The following LUZP1 variants were observed in gnomAD, a reference collection of about 807,000 sequenced individuals.
LUZP1 encodes filamin mechanobinding actin cross-linking protein.
Under a neutral mutation model 71.3 loss-of-function variants are expected in LUZP1, and 25 were observed. The observed-to-expected ratio is 0.35, with a 90% confidence interval of 0.26 to 0.49. The LOEUF is 0.49. Among genes scored for constraint, LUZP1 ranks in the 20% least tolerant of loss-of-function variants. LUZP1 has a pLI of 0.99. For missense variants in LUZP1, 1,142 were observed against 1,300.8 expected (o/e 0.88, Z 1.88); for synonymous variants, 481 against 506.4 (o/e 0.95, Z 0.67).
intron 2 of LUZP1, among the ~76,000 whole-genome samples, chr1:23,148,264 G>C (rs969861136): frequency 3.3e-5 from 5 of 152,070 alleles, no homozygotes; most frequent in African/African-American, 1.2e-4. Flanking sequence ...TTTCTTGTCA[G>C]GGGAGGTGAT....
At chr1:23,148,986 T>A (rs141139047) in intron 2 of LUZP1, among the ~76,000 whole-genome samples, 8 of 141,754 alleles carry the variant, frequency 5.6e-5, no homozygotes, top group African/African-American at 2.1e-4. Flanking sequence ...GAGGCAGAGG[T>A]TGGAGGATCA....
chr1:23,088,967 C>T (rs199692365), exon 5 of LUZP1: 8 of 1,614,200 alleles, frequency 5.0e-6, no homozygotes, highest in Non-Finnish European at 6.8e-6. Flanking sequence ...ACTCTGGCAG[C>T]CCCTGCTTCC....
exon 5 of LUZP1, chr1:23,088,044 T>G (rs187732632): frequency 1.3e-5 from 2 of 152,798 alleles, no homozygotes; most frequent in African/African-American, 4.8e-5. Context: ...CAGGCCCAGC[T>G]TAGCCTAGGG....
chr1:23,165,635 C>T (rs1644503875), intron 2 of LUZP1, among the ~76,000 whole-genome samples: 1 of 151,952 alleles, frequency 6.6e-6, no homozygotes, highest in South Asian at 2.1e-4. Context: ...ATCATCACAG[C>T]ACTGCACTCC....
chr1:23,096,683 C>A (rs1370579750), intron 3 of LUZP1, among the ~76,000 whole-genome samples: 1 of 152,118 alleles, frequency 6.6e-6, no homozygotes, highest in African/African-American at 2.4e-5. Context: ...TTTATAAGAA[C>A]AGAAACTGGC....
intron 1 of LUZP1, among the ~76,000 whole-genome samples, chr1:23,169,548 G>T (rs1644538367): frequency 6.6e-6 from 1 of 152,202 alleles, no homozygotes; most frequent in African/African-American, 2.4e-5. Context: ...TTAATTCTTT[G>T]TGTGATGCTA....
chr1:23,107,046 G>GCTTATACAT (rs1157238643), intron 3 of LUZP1, among the ~76,000 whole-genome samples: 1 of 152,062 alleles, frequency 6.6e-6, no homozygotes, highest in African/African-American at 2.4e-5. Context: ...CCTCCTTATG[G>GCTTATACAT]GTCCTTATAC....
Position 23,094,155 on chromosome 1 carries a change from T to A in LUZP1, c.107A>T (p.Asn36Ile), listed in dbSNP as rs1173453944. ...GAGTTCATCCTCTGCTTTCTGGAGG[T>A]TTTTTGTGGCTTCCTCCAACTCATC... is the stretch of plus-strand genomic sequence containing the variant. The change falls in exon 4 of 5, where the codon AAC (asparagine) becomes ATC (isoleucine). Residue 36 changes from asparagine (N) to isoleucine (I), a missense_variant. Physicochemically the swap from Asn to Ile is moderately radical, Grantham distance 149 (BLOSUM62 -3). Coordinates refer to ENST00000302291, the Ensembl canonical transcript of LUZP1. This position sits in a 1 kb window ranked among gnomAD's most constrained non-coding sequence, Gnocchi z 4.7. 6.2e-7 allele frequency: 1 copy of A among 1,613,914 alleles called. No homozygotes were observed. Among genetic ancestry groups the A allele is most frequent in the Admixed American group, 1.7e-5 (1 of 59,992 alleles).
intron 2 of LUZP1, among the ~76,000 whole-genome samples, chr1:23,122,166 G>A (rs1329748512): frequency 6.6e-6 from 1 of 152,132 alleles, no homozygotes; most frequent in African/African-American, 2.4e-5. Flanking sequence ...GCATACATTT[G>A]AGTGGGCACT....
At chr1:23,173,338 TTTTTG>T (rs1644563426) in intron 1 of LUZP1, among the ~76,000 whole-genome samples, 1 of 145,664 alleles carries the variant, frequency 6.9e-6, no homozygotes, top group African/African-American at 2.5e-5. Context: ...TTTCATTTTG[TTTTTG>T]TTTTTTCTTT....
chr1:23,176,100 C>T (rs1033327941), intron 1 of LUZP1, among the ~76,000 whole-genome samples: 5 of 141,528 alleles, frequency 3.5e-5, no homozygotes, highest in Admixed American at 7.5e-5. Context: ...CTTGCTCTGT[C>T]GCCCAGGCTG....
intron 2 of LUZP1, 141 bp from the exon 2 acceptor site, chr1:23,109,268 T>C (rs984275420): frequency 6.6e-6 from 1 of 152,194 alleles, no homozygotes; most frequent in Non-Finnish European, 1.5e-5. Flanking sequence ...TGCATCTAGA[T>C]CCTGACACTA....
chr1:23,138,176 GT>G (rs1644269648), intron 2 of LUZP1, among the ~76,000 whole-genome samples: 1 of 152,064 alleles, frequency 6.6e-6, no homozygotes. Context: ...GTTTTACCGT[GT>G]TGCCCAGGCT....
At chr1:23,130,785 A>G (rs1171984255) in intron 2 of LUZP1, among the ~76,000 whole-genome samples, 1 of 152,056 alleles carries the variant, frequency 6.6e-6, no homozygotes, top group Non-Finnish European at 1.5e-5. Flanking sequence ...ACTCTACAGA[A>G]TCTGGTTATT....
At chr1:23,100,767 A>C (rs1015748390) in intron 3 of LUZP1, among the ~76,000 whole-genome samples, 1 of 152,188 alleles carries the variant, frequency 6.6e-6, no homozygotes. Flanking sequence ...CAACCAAAGC[A>C]ACTGATTTTT....
intron 2 of LUZP1, among the ~76,000 whole-genome samples, chr1:23,124,728 C>T (rs1364129858): frequency 1.3e-5 from 2 of 152,126 alleles, no homozygotes; most frequent in Non-Finnish European, 2.9e-5. Flanking sequence ...CAAGGAGGTA[C>T]ATTTTTTTAA....
At chr1:23,148,416 A>G (rs913821873) in intron 2 of LUZP1, among the ~76,000 whole-genome samples, 2 of 152,234 alleles carry the variant, frequency 1.3e-5, no homozygotes, top group African/African-American at 2.4e-5. Context: ...TTCCTTCTCA[A>G]AAAATCAGGT....
intron 2 of LUZP1, among the ~76,000 whole-genome samples, chr1:23,144,704 C>A (rs542903924): frequency 1.3e-5 from 2 of 152,118 alleles, no homozygotes; most frequent in East Asian, 1.9e-4. Flanking sequence ...GAATAAAAAA[C>A]CAAAAGAAGA....
intron 2 of LUZP1, among the ~76,000 whole-genome samples, chr1:23,156,465 C>T (rs1644421423): frequency 6.6e-6 from 1 of 152,164 alleles, no homozygotes; most frequent in South Asian, 2.1e-4. Context: ...CGAATCTGTT[C>T]CTACACAGAT....
Sources: allele counts gnomAD v4.1 joint callset (sites outside exome capture counted in the v4.1 genomes callset), GRCh38; gene constraint gnomAD v4.1.1; non-coding constraint Gnocchi (gnomAD v3.1); transcripts MANE v1.5; gene names NCBI Gene and HGNC (gene_info 2026-07-23, HGNC 2026-07-21).